Variants in SDK1 observed in about 807,000 individuals in gnomAD.
The protein encoded by SDK1 is protein sidekick-1.
SDK1 carries 157 observed loss-of-function variants against 245.5 expected under a neutral mutation model. That is an observed-to-expected ratio of 0.64 (90% CI 0.56 to 0.73). The LOEUF (loss-of-function observed/expected upper bound fraction) is 0.73, where lower values mean the gene tolerates loss of function less well. SDK1 is among the 30% of genes least tolerant of loss of function. The pLI, the probability that SDK1 is intolerant of heterozygous loss-of-function variation, is 0.00. For synonymous variants in SDK1, 1,647 were observed against 1,278.5 expected (o/e 1.29, Z -6.15); for missense variants, 3,583 against 3,002.3 (o/e 1.19, Z -4.52).
intron 2 of SDK1, among the ~76,000 whole-genome samples, chr7:3,634,062 G>A (rs958040982): frequency 6.6e-6 from 1 of 152,158 alleles, no homozygotes; most frequent in South Asian, 2.1e-4. Context: ...TAAAAATCCA[G>A]AGCAAATGTG....
At chr7:3,794,542 T>C (rs1778915754) in intron 4 of SDK1, among the ~76,000 whole-genome samples, 1 of 152,120 alleles carries the variant, frequency 6.6e-6, no homozygotes, top group African/African-American at 2.4e-5. Context: ...GGATTAATGG[T>C]TATCATGGGA....
In SDK1 at chr7:3,454,423, T is replaced by TGTGTGTGTGTGTGC. The variant is rs1554273965; in HGVS notation, c.298+152540_298+152541insTGTGTGTGTGTGCG. 3.5e-3 allele frequency among the ~76,000 whole-genome samples: 518 copies of TGTGTGTGTGTGTGC among 150,080 alleles called. 3 individuals carry two copies. The highest frequency in any genetic ancestry group is 0.01 in the African/African-American group (403 of 40,246). The stretch of plus-strand genomic sequence containing the variant: ...GTGTGTGTGTGTGTGTGTGTGTGTG[T>TGTGTGTGTGTGTGC]GCTGTGTACATTTAAGTCTATGCAA... On this transcript the variant is annotated intron_variant, in intron 1 of 44. Coordinates refer to ENST00000404826, the MANE Select transcript of SDK1 (RefSeq NM_152744.4).
intron 14 of SDK1, among the ~76,000 whole-genome samples, chr7:4,007,128 C>G (rs1010349154): frequency 6.6e-6 from 1 of 152,178 alleles, no homozygotes; most frequent in Non-Finnish European, 1.5e-5. Context: ...TTACTGAGTC[C>G]AGTATCAGTC....
intron 1 of SDK1, among the ~76,000 whole-genome samples, chr7:3,387,813 A>G (rs575818464): frequency 1.3e-5 from 2 of 152,234 alleles, no homozygotes; most frequent in Non-Finnish European, 2.9e-5. Flanking sequence ...TGTTTACTAC[A>G]TGTCAGTACC....
At position 3,307,454 on chromosome 7, in the gene SDK1, G is replaced by T. The variant is rs563064714; in HGVS notation, c.298+5570G>T. Reference sequence around the variant, plus strand: ...CTATACCTGAGATCTGTTCTGGAGAGGTTACTACTCTTAGAGCTTCATTAT... The same window carrying T: ...CTATACCTGAGATCTGTTCTGGAGATGTTACTACTCTTAGAGCTTCATTAT... On this transcript the variant is annotated intron_variant, in intron 1 of 44. Coordinates refer to ENST00000404826, the MANE Select transcript of SDK1 (RefSeq NM_152744.4). Among the ~76,000 whole-genome samples the T allele has an allele frequency of 4.6e-5, 7 of 152,278 alleles. No homozygotes were observed. In the South Asian group the frequency reaches 8.3e-4, roughly 18 times the overall value.
intron 1 of SDK1, among the ~76,000 whole-genome samples, chr7:3,608,940 A>C (rs1445307997): frequency 6.6e-6 from 1 of 152,230 alleles, no homozygotes; most frequent in African/African-American, 2.4e-5. Context: ...AATATCCTTC[A>C]ACTGAAACAA....
chr7:3,893,281 C>A (rs143592000), intron 5 of SDK1, among the ~76,000 whole-genome samples: 1 of 152,146 alleles, frequency 6.6e-6, no homozygotes, highest in African/African-American at 2.4e-5. Flanking sequence ...AATATGGGCA[C>A]GGGGGTCATC....
At chr7:3,510,765 ACT>A (rs138743704) in intron 1 of SDK1, among the ~76,000 whole-genome samples, 2,901 of 152,098 alleles carry the variant, frequency 0.019, 35 homozygotes, top group Non-Finnish European at 0.028. Context: ...AAGGCTGCAG[ACT>A]CTCAGTCTCT....
chr7:3,710,574 T>C (rs558651574), intron 4 of SDK1, among the ~76,000 whole-genome samples: 1 of 149,188 alleles, frequency 6.7e-6, no homozygotes, highest in East Asian at 1.9e-4. Flanking sequence ...CAAGTCTTTA[T>C]GTACTGTTTT....
At chr7:3,499,662 G>T (rs1323888027) in intron 1 of SDK1, among the ~76,000 whole-genome samples, 1 of 152,188 alleles carries the variant, frequency 6.6e-6, no homozygotes, top group African/African-American at 2.4e-5. Context: ...CGCTGTGTAA[G>T]GGCACGGCAG....
chr7:3,848,021 A>G (rs186156686), intron 5 of SDK1, among the ~76,000 whole-genome samples: 2 of 152,352 alleles, frequency 1.3e-5, no homozygotes, highest in East Asian at 1.9e-4. Flanking sequence ...CCATACACAC[A>G]TGTGCATATG....
intron 14 of SDK1, 148 bp from the exon 15 acceptor site, chr7:4,010,818 A>C (rs1785885080): frequency 1.2e-6 from 1 of 800,508 alleles, no homozygotes; most frequent in Non-Finnish European, 1.9e-6. Context: ...CTCAGTTTCC[A>C]CACCTGCTAA....
At position 3,430,618 on chromosome 7, in the gene SDK1, C is replaced by T. The variant is rs1368118645; in HGVS notation, c.298+128734C>T. Among the ~76,000 whole-genome samples, 6 of 152,318 alleles carry T rather than the reference C, an allele frequency of 3.9e-5. No homozygotes were observed. In the East Asian group the frequency reaches 9.6e-4, roughly 24 times the overall value. ...CAGTCTCAGCTCATGACTTTCCATC[C>T]CCTCAGTTTCAAGAGTGTGTCTGAG... On this transcript the variant is annotated intron_variant, in intron 1 of 44. Transcript: ENST00000404826.
rs200914826 is a variant in SDK1, at chr7:3,418,145, G to GAAAAAAA, written c.298+116278_298+116284dup. On this transcript the variant is annotated intron_variant, in intron 1 of 44. Coordinates refer to ENST00000404826, the MANE Select transcript of SDK1 (RefSeq NM_152744.4). ...GTGAAACCCGATCTCTACTAAAAATGAAAAAAAAAAAAAAAAAAAAAAATA... is the reference window on the plus strand; with the variant it reads ...GTGAAACCCGATCTCTACTAAAAATGAAAAAAAAAAAAAAAAAAAAAAAAAAAAAATA... 2.4e-4 allele frequency among the ~76,000 whole-genome samples: 29 copies of GAAAAAAA among 119,724 alleles called. 1 individual carries two copies. Among genetic ancestry groups the GAAAAAAA allele is most frequent in the South Asian group, 1.0e-3 (4 of 3,930 alleles). The allele number at this position is 119,724 out of a possible 152,430, so 78.5% of individuals were successfully genotyped here.
chr7:3,884,071 GTTTGTTTTTTTGTTTTTTTT>G (rs1781276446), intron 5 of SDK1, among the ~76,000 whole-genome samples: 1 of 139,292 alleles, frequency 7.2e-6, no homozygotes, highest in African/African-American at 2.8e-5. Flanking sequence ...TTTTTTGTTT[GTTTGTTTTTTTGTTTTTTTT>G]TTTTTTTGAG....
At chr7:3,657,600 G>T (rs562315600) in intron 4 of SDK1, among the ~76,000 whole-genome samples, 10 of 127,104 alleles carry the variant, frequency 7.9e-5, no homozygotes, top group African/African-American at 3.5e-4. Context: ...AGGGGACTCG[G>T]GTTTTTTTCC....
At chr7:3,864,880 C>T (rs1203976261) in intron 5 of SDK1, among the ~76,000 whole-genome samples, 2 of 152,170 alleles carry the variant, frequency 1.3e-5, no homozygotes, top group Non-Finnish European at 2.9e-5. Context: ...AGTGCATTCT[C>T]TCCACAAAGA....
intron 1 of SDK1, among the ~76,000 whole-genome samples, chr7:3,574,792 A>C (rs1054278315): frequency 3.3e-5 from 5 of 152,118 alleles, no homozygotes; most frequent in African/African-American, 1.2e-4. Context: ...AAATAAGGAG[A>C]CAGATGATGA....
chr7:3,535,267 A>G (rs980449582), intron 1 of SDK1, among the ~76,000 whole-genome samples: 2 of 152,176 alleles, frequency 1.3e-5, no homozygotes, highest in South Asian at 2.1e-4. Context: ...TTTGTCTCCA[A>G]AAAAATAATA....
Sources: gnomAD v4.1 joint callset for allele counts (sites outside exome capture counted in the v4.1 genomes callset) on GRCh38, gnomAD v4.1.1 for gene constraint, MANE v1.5 for transcripts, NCBI Gene and HGNC (gene_info 2026-07-23, HGNC 2026-07-21) for gene names.